TSHZ3: variants seen among roughly 807,000 people sequenced by gnomAD.
TSHZ3 encodes teashirt homolog 3.
Under a neutral mutation model 64.5 loss-of-function variants are expected in TSHZ3, and 10 were observed. The ratio of observed to expected loss-of-function variants is 0.16; its 90% confidence interval spans 0.10 to 0.26. TSHZ3 has a LOEUF of 0.26. TSHZ3 is among the 10% of genes least tolerant of loss of function. The pLI is 1.00. For missense variants in TSHZ3, 1,242 were observed against 1,421.7 expected, an observed-to-expected ratio of 0.87 and a Z score of 2.03; for synonymous variants, 608 against 593.1, an observed-to-expected ratio of 1.03 and a Z score of -0.36.
chr19:31,267,357 C>A (rs773400831), intron 1 of TSHZ3, among the ~76,000 whole-genome samples: 3 of 152,248 alleles, frequency 2.0e-5, no homozygotes, highest in South Asian at 2.1e-4. Context: ...TCTCTCAGAA[C>A]AAAACCATAG....
At chr19:31,230,826 A>G (rs1367415568) in intron 3 of TSHZ3, among the ~76,000 whole-genome samples, 2 of 150,654 alleles carry the variant, frequency 1.3e-5, no homozygotes, top group Non-Finnish European at 2.9e-5. Context: ...CAGCCTCCCA[A>G]GTAGCTGGGT....
intron 6 of TSHZ3, among the ~76,000 whole-genome samples, chr19:31,153,308 A>C (rs773264017): frequency 1.3e-5 from 2 of 152,250 alleles, no homozygotes; most frequent in African/African-American, 4.8e-5. Context: ...ATTCTAGACT[A>C]TAAGTCTTCT....
chr19:31,338,209 CTG>C (rs1427880221), intron 1 of TSHZ3, among the ~76,000 whole-genome samples: 1 of 152,220 alleles, frequency 6.6e-6, no homozygotes, highest in Middle Eastern at 3.2e-3. Flanking sequence ...CAGCTGGGGG[CTG>C]TGTCAGTGAA....
Position 31,214,184 on chromosome 19 carries a change from C to T in TSHZ3, n.687-9106G>A, listed in dbSNP as rs532098030. 1.8e-4 allele frequency among the ~76,000 whole-genome samples: 28 copies of T among 152,352 alleles called. 1 individual carries two copies. The South Asian group carries it at 5.8e-3, about 32-fold the overall frequency. On this transcript the variant is annotated intron_variant and non_coding_transcript_variant, in intron 4 of 6. Coordinates refer to the TSHZ3 transcript ENST00000651361. ...GTTGTTCCAAATCTTTGAAAGCCCTCTGCGCACTCTCCGTCATTCATGTAA... is the reference window on the plus strand; with the variant it reads ...GTTGTTCCAAATCTTTGAAAGCCCTTTGCGCACTCTCCGTCATTCATGTAA...
At chr19:31,202,415 A>G (rs1446197915) in intron 5 of TSHZ3, among the ~76,000 whole-genome samples, 1 of 152,100 alleles carries the variant, frequency 6.6e-6, no homozygotes, top group Non-Finnish European at 1.5e-5. Flanking sequence ...CTTTTTTTAA[A>G]TGTGATATTC....
intron 1 of TSHZ3, among the ~76,000 whole-genome samples, chr19:31,316,535 T>C (rs1041337676): frequency 1.3e-5 from 2 of 152,226 alleles, no homozygotes; most frequent in Non-Finnish European, 2.9e-5. Context: ...TCAGGACTAA[T>C]GATGCAATCA....
At chr19:31,308,498 ATCG>A (rs905321491) in intron 1 of TSHZ3, 127 of 180,910 alleles carry the variant, frequency 7.0e-4, no homozygotes, top group Non-Finnish European at 1.0e-3. Flanking sequence ...ATTGTTTGTC[ATCG>A]TCTCCAGCGT....
chr19:31,254,753 A>T (rs1341772688), intron 1 of TSHZ3, among the ~76,000 whole-genome samples: 1 of 152,162 alleles, frequency 6.6e-6, no homozygotes, highest in Non-Finnish European at 1.5e-5. Flanking sequence ...GTGAAACTGC[A>T]GTCAATGGGG....
At chr19:31,328,114 TA>T (rs1163211260) in intron 1 of TSHZ3, among the ~76,000 whole-genome samples, 3 of 152,200 alleles carry the variant, frequency 2.0e-5, no homozygotes, top group Admixed American at 1.3e-4. Flanking sequence ...CAAGAATAAT[TA>T]AGAAAAACGT....
chr19:31,220,382 T>C (rs919791662), intron 4 of TSHZ3, among the ~76,000 whole-genome samples: 1 of 152,138 alleles, frequency 6.6e-6, no homozygotes. Flanking sequence ...GGTAAAGAGA[T>C]GAATAAGTGA....
chr19:31,258,013 C>A (rs1012537854), intron 1 of TSHZ3, among the ~76,000 whole-genome samples: 1 of 152,118 alleles, frequency 6.6e-6, no homozygotes, highest in East Asian at 1.9e-4. Context: ...AAGGATGGCA[C>A]CCAGTTAAGG....
At chr19:31,334,500 A>G (rs1917184826) in intron 1 of TSHZ3, among the ~76,000 whole-genome samples, 1 of 152,198 alleles carries the variant, frequency 6.6e-6, no homozygotes, top group South Asian at 2.1e-4. Context: ...CTCTACCTAC[A>G]GGGAGTCACA....
chr19:31,176,655 T>C (rs577324997), intron 5 of TSHZ3, among the ~76,000 whole-genome samples: 1 of 152,168 alleles, frequency 6.6e-6, no homozygotes, highest in East Asian at 1.9e-4. Context: ...CCAGGCATGG[T>C]GACACACACC....
At chr19:31,170,356 C>A (rs1245625174) in intron 5 of TSHZ3, among the ~76,000 whole-genome samples, 1 of 152,112 alleles carries the variant, frequency 6.6e-6, no homozygotes, top group African/African-American at 2.4e-5. Flanking sequence ...CATCAGGGCC[C>A]TACCCTCATT....
chr19:31,332,339 G>A (rs1017197309), intron 1 of TSHZ3, among the ~76,000 whole-genome samples: 3 of 152,190 alleles, frequency 2.0e-5, no homozygotes, highest in Non-Finnish European at 4.4e-5. Context: ...TATAAACAGT[G>A]TTAACTGCTG....
chr19:31,236,648 C>T (rs903091301), intron 3 of TSHZ3, among the ~76,000 whole-genome samples: 3 of 152,052 alleles, frequency 2.0e-5, no homozygotes, highest in African/African-American at 7.2e-5. Flanking sequence ...CCTTATCTCA[C>T]ACCATACACA....
chr19:31,287,292 CCT>C (rs1976479556), intron 1 of TSHZ3, among the ~76,000 whole-genome samples: 1 of 152,146 alleles, frequency 6.6e-6, no homozygotes, highest in Non-Finnish European at 1.5e-5. Flanking sequence ...AAGTTATAAC[CCT>C]CCGTTTCCCC....
intron 5 of TSHZ3, among the ~76,000 whole-genome samples, chr19:31,176,218 A>G (rs541842697): frequency 3.2e-4 from 49 of 152,318 alleles, no homozygotes; most frequent in Non-Finnish European, 5.9e-4. Flanking sequence ...GGCTGGACCC[A>G]CCAGCAGAAG....
chr19:31,249,728 C>T (rs1975809983), intron 1 of TSHZ3, among the ~76,000 whole-genome samples: 1 of 152,174 alleles, frequency 6.6e-6, no homozygotes, highest in Admixed American at 6.5e-5. Context: ...TGGAGGGAGA[C>T]CCCAGAGATA....
Sources: allele counts gnomAD v4.1 joint callset (sites outside exome capture counted in the v4.1 genomes callset), GRCh38; gene constraint gnomAD v4.1.1; transcripts MANE v1.5; gene names NCBI Gene and HGNC (gene_info 2026-07-23, HGNC 2026-07-21).